EGFR: variants seen among roughly 807,000 people sequenced by gnomAD.
The protein encoded by EGFR is avian erythroblastic leukemia viral (v-erb-b) oncogene homolog.
EGFR carries 58 observed loss-of-function variants against 143.0 expected under a neutral mutation model. The observed-to-expected ratio is 0.41, with a 90% confidence interval of 0.33 to 0.50. The LOEUF (loss-of-function observed/expected upper bound fraction) is 0.50. Ranked by LOEUF, EGFR falls within the 20% of genes least tolerant of loss-of-function variation. EGFR has a pLI of 0.39. For missense variants in EGFR, 1,307 were observed against 1,579.0 expected, an observed-to-expected ratio of 0.83 and a Z score of 2.92; for synonymous variants, 613 against 594.4, an observed-to-expected ratio of 1.03 and a Z score of -0.45.
intron 1 of EGFR, among the ~76,000 whole-genome samples, chr7:55,083,591 C>T (rs750903315): frequency 4.6e-5 from 7 of 152,176 alleles, no homozygotes; most frequent in Non-Finnish European, 8.8e-5. Context: ...GCACACTGTG[C>T]GCATGTGTGT....
chr7:55,032,796 AT>A (rs1787332030), intron 1 of EGFR, among the ~76,000 whole-genome samples: 1 of 152,172 alleles, frequency 6.6e-6, no homozygotes, highest in Admixed American at 6.5e-5. Context: ...TATATATGTC[AT>A]TTATTAAAAA....
chr7:55,086,358 C>A (rs552807719), intron 1 of EGFR, among the ~76,000 whole-genome samples: 9 of 100,476 alleles, frequency 9.0e-5, no homozygotes, highest in African/African-American at 4.2e-4. Flanking sequence ...ATTTTGCTCC[C>A]TTTCCCTTTG....
At chr7:55,161,750 T>G in intron 13 of EGFR, 119 bp downstream of exon 13, 1 of 1,552,490 alleles carries the variant, frequency 6.4e-7, no homozygotes, top group Non-Finnish European at 8.8e-7. Context: ...GCCCTTGGCT[T>G]TTGGAGGTTT....
intron 1 of EGFR, among the ~76,000 whole-genome samples, chr7:55,126,098 G>C (rs780320125): frequency 5.3e-5 from 8 of 152,102 alleles, no homozygotes; most frequent in African/African-American, 1.9e-4. Flanking sequence ...GTCCTTAGAA[G>C]CCCAGCTGAA....
chr7:55,043,555 T>C (rs895008061), intron 1 of EGFR, among the ~76,000 whole-genome samples: 18 of 152,038 alleles, frequency 1.2e-4, no homozygotes, highest in Non-Finnish European at 2.4e-4. Context: ...AGAGACGGGG[T>C]TTTGCCATGT....
At chr7:55,126,763 T>C (rs1421604383) in intron 1 of EGFR, among the ~76,000 whole-genome samples, 1 of 152,226 alleles carries the variant, frequency 6.6e-6, no homozygotes, top group Non-Finnish European at 1.5e-5. Flanking sequence ...TATACATGAA[T>C]TAGAAAATCT....
intron 13 of EGFR, 144 bp downstream of exon 13, chr7:55,161,775 G>A (rs1785718325): frequency 1.4e-6 from 2 of 1,394,632 alleles, no homozygotes; most frequent in Non-Finnish European, 9.9e-7. Flanking sequence ...TTTTCTGTGG[G>A]GAGACGGGAA....
At chr7:55,195,682 G>A (rs955248922) in intron 22 of EGFR, among the ~76,000 whole-genome samples, 9 of 151,910 alleles carry the variant, frequency 5.9e-5, no homozygotes, top group South Asian at 2.1e-4. Context: ...ATCCTCCACC[G>A]TCCTATAGAC....
intron 2 of EGFR, among the ~76,000 whole-genome samples, chr7:55,142,722 C>T (rs931395068): frequency 1.3e-5 from 2 of 152,216 alleles, no homozygotes; most frequent in Non-Finnish European, 2.9e-5. Flanking sequence ...CTGCCATACT[C>T]GCTCTTAAAA....
chr7:55,077,956 G>A (rs1790226002), intron 1 of EGFR, among the ~76,000 whole-genome samples: 1 of 152,180 alleles, frequency 6.6e-6, no homozygotes, highest in African/African-American at 2.4e-5. Context: ...GCTGCACCAG[G>A]GAGACGCTAT....
At chr7:55,201,598 C>T (rs2128972255) in intron 25 of EGFR, 137 bp from the exon 26 acceptor site, 1 of 1,239,524 alleles carries the variant, frequency 8.1e-7, no homozygotes, top group South Asian at 1.2e-5. Flanking sequence ...AACCTAGTTG[C>T]TCTAAAACTA....
chr7:55,181,709 T>G, intron 20 of EGFR: 1 of 598,790 alleles, frequency 1.7e-6, no homozygotes, highest in Non-Finnish European at 3.0e-6. Context: ...TTTGAAGAAT[T>G]TTCTCTTTAT....
At chr7:55,029,030 G>T (rs1443088650) in intron 1 of EGFR, among the ~76,000 whole-genome samples, 1 of 152,130 alleles carries the variant, frequency 6.6e-6, no homozygotes, top group Non-Finnish European at 1.5e-5. Flanking sequence ...GCGGTGGCAC[G>T]TGCCTGTAGT....
chr7:55,027,632 G>C (rs962115695), intron 1 of EGFR, among the ~76,000 whole-genome samples: 3 of 152,130 alleles, frequency 2.0e-5, no homozygotes, highest in Non-Finnish European at 4.4e-5. Context: ...AACAGCAACA[G>C]CACAATTTTC....
chr7:55,207,574 G>A lies in EGFR; in HGVS notation c.*1957G>A, dbSNP rs2128976373. 1 of 170,180 alleles carries A rather than the reference G, an allele frequency of 5.9e-6. No individual in the cohort carries two copies. The highest frequency in any genetic ancestry group is 2.4e-5 in the African/African-American group (1 of 42,142). 10.5% of individuals were successfully genotyped at this position (170,180 alleles called of 1,614,324 possible). On this transcript the variant is annotated 3_prime_UTR_variant, in exon 28 of 28. Coordinates refer to ENST00000275493, the MANE Select transcript of EGFR (RefSeq NM_005228.5). The stretch of plus-strand genomic sequence containing the variant: ...CCTGCCTGAGGAGACCTGGAAGGGA[G>A]GCCTCACAGGAGGATGACCAGGTCT...
At chr7:55,053,166 C>T (rs1435026584) in intron 1 of EGFR, among the ~76,000 whole-genome samples, 7 of 152,182 alleles carry the variant, frequency 4.6e-5, no homozygotes, top group African/African-American at 1.7e-4. Context: ...TTCTTCGGGA[C>T]AGACTCTTTT....
intron 11 of EGFR, among the ~76,000 whole-genome samples, chr7:55,158,372 G>T (rs1024034871): frequency 6.6e-6 from 1 of 152,156 alleles, no homozygotes; most frequent in Non-Finnish European, 1.5e-5. Flanking sequence ...AAGCAGCCTC[G>T]TTATGAGAAC....
rs968593525 is a variant in EGFR, at chr7:55,162,857, C to A, written c.1632-876C>A. Among the ~76,000 whole-genome samples the A allele has an allele frequency of 2.6e-5, 4 of 152,286 alleles. No individual in the cohort carries two copies. In the South Asian group the frequency reaches 6.2e-4, roughly 24 times the overall value. ...CCAGGCTGGAGTGCAGTGATGTGAT[C>A]TCAACTCACTGCAACCTCTGCCCCC... On this transcript the variant is annotated intron_variant, in intron 13 of 27. Coordinates refer to ENST00000275493, the MANE Select transcript of EGFR (RefSeq NM_005228.5).
intron 1 of EGFR, among the ~76,000 whole-genome samples, chr7:55,071,880 A>C (rs569349590): frequency 6.6e-6 from 1 of 152,380 alleles, no homozygotes; most frequent in South Asian, 2.1e-4. Flanking sequence ...TTTAAAGACA[A>C]TTAACACAGT....
Sources: allele counts gnomAD v4.1 joint callset (sites outside exome capture counted in the v4.1 genomes callset), GRCh38; gene constraint gnomAD v4.1.1; transcripts MANE v1.5; gene names NCBI Gene and HGNC (gene_info 2026-07-23, HGNC 2026-07-21).